The following TDRD9 variants were observed in gnomAD, a reference collection of about 807,000 sequenced individuals.
The protein encoded by TDRD9 is tudor domain containing 9.
TDRD9 carries 124 observed loss-of-function variants against 172.6 expected under a neutral mutation model. The observed-to-expected ratio is 0.72, with a 90% CI of 0.62 to 0.83. TDRD9 has a LOEUF of 0.83. Among genes scored for constraint, TDRD9 ranks in the 40% least tolerant of loss-of-function variants. The probability of loss-of-function intolerance (pLI) is 0.00; values close to 1 mark genes in which losing one functional copy is unlikely to be tolerated. For missense variants in TDRD9, 1,479 were observed against 1,714.1 expected (o/e 0.86, Z 2.42); for synonymous variants, 619 against 617.1 (o/e 1.00, Z -0.05).
intron 15 of TDRD9, among the ~76,000 whole-genome samples, chr14:104,005,756 G>A (rs2034417664): frequency 6.6e-6 from 1 of 152,192 alleles, no homozygotes; most frequent in Non-Finnish European, 1.5e-5. Flanking sequence ...TGGGGCTGTG[G>A]ACGTTCTGCT....
intron 7 of TDRD9, among the ~76,000 whole-genome samples, chr14:103,982,471 G>A (rs2033512016): frequency 6.6e-6 from 1 of 152,278 alleles, no homozygotes; most frequent in East Asian, 1.9e-4. Context: ...ATTTGACACT[G>A]TTGGCCACTT....
intron 2 of TDRD9, among the ~76,000 whole-genome samples, chr14:103,960,493 G>C (rs927913083): frequency 6.6e-6 from 1 of 152,174 alleles, no homozygotes; most frequent in African/African-American, 2.4e-5. Flanking sequence ...TCCTCATGCC[G>C]TTTTTGGATT....
chr14:103,987,831 C>T (rs979001403), intron 8 of TDRD9, among the ~76,000 whole-genome samples: 3 of 152,214 alleles, frequency 2.0e-5, no homozygotes, highest in South Asian at 2.1e-4. Context: ...TATATATTAT[C>T]GAAAATGAGA....
In TDRD9 at chr14:103,942,707, T is replaced by C. The variant is rs552787959; in HGVS notation, c.216-12957T>C. 2.2e-4 allele frequency among the ~76,000 whole-genome samples: 34 copies of C among 152,318 alleles called. 1 individual carries two copies. The highest frequency in any genetic ancestry group is 4.0e-4 in the Non-Finnish European group (27 of 68,028). ...TGAAAACAGGAAAAATAGATTAGACTTGACTATTTGCAAAACATACATTCT... is the reference window on the plus strand; with the variant it reads ...TGAAAACAGGAAAAATAGATTAGACCTGACTATTTGCAAAACATACATTCT... On this transcript the variant is annotated intron_variant, in intron 1 of 35. Coordinates refer to ENST00000409874, the MANE Select transcript of TDRD9 (RefSeq NM_153046.3).
chr14:104,038,896 T>G (rs928623690), intron 32 of TDRD9, among the ~76,000 whole-genome samples: 3 of 152,140 alleles, frequency 2.0e-5, no homozygotes, highest in Admixed American at 6.5e-5. Context: ...TCTCAAACTC[T>G]TGGCCTCAAG....
At position 104,033,992 on chromosome 14, in the gene TDRD9, C is replaced by T; in HGVS notation, c.3542C>T (p.Ser1181Phe). ...CVWIEKESINSVIISDAPEDL... is the reference protein window; with the variant it reads ...CVWIEKESINFVIISDAPEDL... ...TGGATTGAGAAGGAGAGCATCAACTCTGTCATTATCAGTGACGCCCCTGAA... is the reference window on the plus strand; with the variant it reads ...TGGATTGAGAAGGAGAGCATCAACTTTGTCATTATCAGTGACGCCCCTGAA... The change falls in exon 31 of 36, where the codon TCT (serine) becomes TTT (phenylalanine). Residue 1181 changes from serine to phenylalanine, a missense_variant. Around this residue, in one of 3 missense-constraint regions of TDRD9, gnomAD observed 1,413 missense variants for 1,649.1 expected, o/e 0.86. Coordinates refer to ENST00000409874, the MANE Select transcript of TDRD9 (RefSeq NM_153046.3). 1 of 1,551,576 alleles carries T rather than the reference C, an allele frequency of 6.4e-7. No homozygotes were observed. Among genetic ancestry groups the T allele is most frequent in the Non-Finnish European group, 8.7e-7 (1 of 1,146,618 alleles).
intron 1 of TDRD9, chr14:103,940,827 T>C (rs568830436): frequency 3.2e-5 from 49 of 1,535,044 alleles, no homozygotes; most frequent in Non-Finnish European, 4.2e-5. Flanking sequence ...GGTGATAATA[T>C]GGTAGGTTCC....
At chr14:103,995,716 A>T in intron 11 of TDRD9, 34 bp from the exon 12 acceptor site, 1 of 1,560,730 alleles carries the variant, frequency 6.4e-7, no homozygotes, top group Non-Finnish European at 8.7e-7. Context: ...GGAATATAGT[A>T]GGAATGTCAG....
chr14:103,972,753 T>C lies in TDRD9; in HGVS notation c.846+2132T>C, dbSNP rs2033086597. Among the ~76,000 whole-genome samples, 4 of 152,266 alleles carry C rather than the reference T, an allele frequency of 2.6e-5. No homozygotes were observed. The South Asian group carries it at 8.3e-4, about 31-fold the overall frequency. On this transcript the variant is annotated intron_variant, in intron 6 of 35. Coordinates refer to ENST00000409874, the MANE Select transcript of TDRD9 (RefSeq NM_153046.3). ...AAAACATTTCTCTTTCTCTTTCCCA[T>C]GTCCCCAGGTGGGGAAGCTTCTGCC...
chr14:103,998,738 T>C lies in TDRD9; in HGVS notation c.1483+10T>C, dbSNP rs772610485. On this transcript the variant is annotated intron_variant, in intron 13 of 35. Transcript: ENST00000409874. ...TGTAATCAGAGAAAAGGTAAGACATTTGTGTTAAAGCACAATAATGAGTCA... is the reference window on the plus strand; with the variant it reads ...TGTAATCAGAGAAAAGGTAAGACATCTGTGTTAAAGCACAATAATGAGTCA... 4.2e-6 allele frequency: 6 copies of C among 1,434,850 alleles called. No homozygotes were observed. The African/African-American group carries it at 7.0e-5, about 17-fold the overall frequency. 88.9% of individuals were successfully genotyped at this position (1,434,850 alleles called of 1,614,324 possible).
chr14:103,947,372 C>T (rs1193784291), intron 1 of TDRD9, among the ~76,000 whole-genome samples: 3 of 151,720 alleles, frequency 2.0e-5, no homozygotes, highest in African/African-American at 7.3e-5. Flanking sequence ...CTCTGTCGCC[C>T]AGGCTGAAGT....
intron 9 of TDRD9, among the ~76,000 whole-genome samples, chr14:103,991,579 A>T (rs2033869214): frequency 6.7e-6 from 1 of 150,308 alleles, no homozygotes. Context: ...CGCCCGGCTT[A>T]TTTTTGTATT....
At chr14:104,040,426 C>T (rs960389488) in intron 33 of TDRD9, 92 bp downstream of exon 33, 31 of 1,304,078 alleles carry the variant, frequency 2.4e-5, no homozygotes, top group East Asian at 5.7e-5. Flanking sequence ...GTGGAGCTCG[C>T]GGTGCAGACA....
In TDRD9 at chr14:104,043,009, TA is replaced by T. The variant is rs1261705419; in HGVS notation, c.3974+827del. Among the ~76,000 whole-genome samples the T allele has an allele frequency of 1.4e-4, 22 of 151,996 alleles. No homozygotes were observed. In the East Asian group the frequency reaches 3.9e-3, roughly 27 times the overall value. On this transcript the variant is annotated intron_variant, in intron 34 of 35. Coordinates refer to ENST00000409874, the MANE Select transcript of TDRD9 (RefSeq NM_153046.3). ...TTTTCTCTCTTCATTTTCTTTTATA[TA>T]AAAATATTTTTAATATTTATTTATT...
At chr14:103,965,083 AC>A (rs920090314) in intron 3 of TDRD9, among the ~76,000 whole-genome samples, 42 of 151,958 alleles carry the variant, frequency 2.8e-4, no homozygotes, top group African/African-American at 9.6e-4. Flanking sequence ...GTGGTGGTAC[AC>A]GCCTGTAGTC....
chr14:103,946,105 A>G (rs937340988), intron 1 of TDRD9, among the ~76,000 whole-genome samples: 1 of 152,006 alleles, frequency 6.6e-6, no homozygotes, highest in Non-Finnish European at 1.5e-5. Flanking sequence ...AGCTGGGACT[A>G]TAGGCACGTG....
intron 7 of TDRD9, among the ~76,000 whole-genome samples, chr14:103,976,020 A>G (rs564710562): frequency 6.6e-5 from 10 of 152,250 alleles, no homozygotes; most frequent in African/African-American, 2.4e-4. Context: ...CTGTCCATTA[A>G]CCAACCTCTT....
intron 13 of TDRD9, among the ~76,000 whole-genome samples, chr14:104,001,549 T>G (rs564856642): frequency 6.6e-6 from 1 of 152,234 alleles, no homozygotes; most frequent in Non-Finnish European, 1.5e-5. Flanking sequence ...TAAGTTTTCA[T>G]TTCTCTGGTA....
intron 1 of TDRD9, among the ~76,000 whole-genome samples, chr14:103,931,584 T>G (rs2030392117): frequency 6.6e-6 from 1 of 152,196 alleles, no homozygotes; most frequent in Non-Finnish European, 1.5e-5. Context: ...TTCATGATTT[T>G]GTAGATGAAG....
Sources: allele counts gnomAD v4.1 joint callset (sites outside exome capture counted in the v4.1 genomes callset), GRCh38; gene constraint gnomAD v4.1.1; regional missense constraint gnomAD v4.1.1; transcripts MANE v1.5; gene names NCBI Gene and HGNC (gene_info 2026-07-23, HGNC 2026-07-21).